CATSPERT: variants seen among roughly 807,000 people sequenced by gnomAD.
CATSPERT encodes the protein cation channel sperm-associated targeting subunit tau.
At chr2:201,530,988 TCTCA>T in the CATSPERT span, among the ~76,000 whole-genome samples, 3 of 88,488 alleles carry the variant, frequency 3.4e-5, no homozygotes, top group Admixed American at 1.6e-4. Context: ...TGAGATGGAG[TCTCA>T]CTCTGTTGCC....
chr2:201,515,202 G>GTTTTTTTTTTTTTTTTTTTTT, the CATSPERT span, among the ~76,000 whole-genome samples: 15 of 24,672 alleles, frequency 6.1e-4, 5 homozygotes, highest in Admixed American at 3.0e-3. Flanking sequence ...TCTGCCCATA[G>GTTTTTTTTTTTTTTTTTTTTT]TTTTTTTTTT....
the CATSPERT span, chr2:201,493,187 A>G: frequency 6.5e-7 from 1 of 1,533,354 alleles, no homozygotes. Flanking sequence ...GAGTTAGTTA[A>G]ACTTTCTAAA....
At chr2:201,537,206 T>C in the CATSPERT span, among the ~76,000 whole-genome samples, 4 of 151,926 alleles carry the variant, frequency 2.6e-5, no homozygotes, top group Non-Finnish European at 5.9e-5. Context: ...CTCCTTCATC[T>C]CTTCCTCAAC....
chr2:201,601,378 C>G, the CATSPERT span, among the ~76,000 whole-genome samples: 1 of 148,126 alleles, frequency 6.8e-6, no homozygotes. Context: ...AAGGGGAATA[C>G]AGGATAGAAG....
chr2:201,537,463 A>G, the CATSPERT span: 1 of 1,590,596 alleles, frequency 6.3e-7, no homozygotes, highest in African/African-American at 1.3e-5. Flanking sequence ...CAGCTTCCTC[A>G]TTTACAAGAG....
the CATSPERT span, among the ~76,000 whole-genome samples, chr2:201,499,985 TG>T: frequency 6.6e-6 from 1 of 151,398 alleles, no homozygotes; most frequent in Non-Finnish European, 1.5e-5. Flanking sequence ...CCCCAAGCAG[TG>T]GTATCCTAAG....
At chr2:201,530,532 A>T in the CATSPERT span, among the ~76,000 whole-genome samples, 6 of 152,136 alleles carry the variant, frequency 3.9e-5, no homozygotes, top group African/African-American at 7.2e-5. Context: ...TTTTGGAGAG[A>T]TTACGGCATA....
chr2:201,572,095 T>C, the CATSPERT span: 18 of 1,068,556 alleles, frequency 1.7e-5, no homozygotes, highest in Non-Finnish European at 2.4e-5. Context: ...CCATACCATA[T>C]TGATACCATA....
the CATSPERT span, among the ~76,000 whole-genome samples, chr2:201,584,782 CAAAA>C: frequency 6.8e-6 from 1 of 146,860 alleles, no homozygotes; most frequent in African/African-American, 2.5e-5. Context: ...GACTCTGTCT[CAAAA>C]AAAAAGAAAG....
chr2:201,597,029 A>T, the CATSPERT span, among the ~76,000 whole-genome samples: 5 of 152,208 alleles, frequency 3.3e-5, no homozygotes. Flanking sequence ...ATTATAAATG[A>T]TAGAGACTCT....
At chr2:201,493,863 T>C in the CATSPERT span, 80 of 1,536,722 alleles carry the variant, frequency 5.2e-5, no homozygotes, top group Middle Eastern at 5.0e-4. Flanking sequence ...TCTCATCAGC[T>C]TCGAAGTGTT....
the CATSPERT span, among the ~76,000 whole-genome samples, chr2:201,572,181 A>G: frequency 6.6e-6 from 1 of 152,234 alleles, no homozygotes; most frequent in Non-Finnish European, 1.5e-5. Context: ...AAGAGAGGAA[A>G]GAAGACACTA....
chr2:201,506,183 C>T, the CATSPERT span, among the ~76,000 whole-genome samples: 4 of 152,246 alleles, frequency 2.6e-5, no homozygotes, highest in East Asian at 3.9e-4. Context: ...AGGAGAATGG[C>T]GCGAACCCGG....
chr2:201,611,827 G>A, the CATSPERT span, among the ~76,000 whole-genome samples: 2 of 152,146 alleles, frequency 1.3e-5, no homozygotes, highest in Admixed American at 6.5e-5. Flanking sequence ...GAAAAGGTGA[G>A]ATTCAATTTG....
chr2:201,489,287 A>G, the CATSPERT span, among the ~76,000 whole-genome samples: 90 of 152,246 alleles, frequency 5.9e-4, no homozygotes, highest in African/African-American at 2.0e-3. Flanking sequence ...CATAAACACA[A>G]TTTCTTACTT....
the CATSPERT span, among the ~76,000 whole-genome samples, chr2:201,538,831 C>T: frequency 6.6e-6 from 1 of 152,112 alleles, no homozygotes; most frequent in Non-Finnish European, 1.5e-5. Flanking sequence ...CCTCCACTCT[C>T]TGATAGGTCC....
chr2:201,600,499 C>T, the CATSPERT span, among the ~76,000 whole-genome samples: 1 of 152,092 alleles, frequency 6.6e-6, no homozygotes, highest in South Asian at 2.1e-4. Flanking sequence ...GATGACTTGA[C>T]AGGTGCAGCA....
At chr2:201,494,365 G>A in the CATSPERT span, 1 of 1,537,026 alleles carries the variant, frequency 6.5e-7, no homozygotes, top group East Asian at 2.4e-5. Flanking sequence ...AAAATTTAAA[G>A]ACTTCGAGAG....
the CATSPERT span, chr2:201,491,370 T>C: frequency 1.3e-6 from 2 of 1,537,144 alleles, no homozygotes; most frequent in Non-Finnish European, 1.7e-6. Context: ...AGAGGTGTGG[T>C]TTCAAGTTTT....
Sources: allele counts gnomAD v4.1 joint callset (sites outside exome capture counted in the v4.1 genomes callset), GRCh38; gene constraint gnomAD v4.1.1; transcripts MANE v1.5; gene names NCBI Gene and HGNC (gene_info 2026-07-23, HGNC 2026-07-21).